CADPS2: variants seen among roughly 807,000 people sequenced by gnomAD.
CADPS2 encodes calcium dependent secretion activator 2.
CADPS2 carries 93 observed loss-of-function variants against 172.5 expected under a neutral mutation model. The ratio of observed to expected loss-of-function variants is 0.54; its 90% confidence interval spans 0.46 to 0.64. The LOEUF (loss-of-function observed/expected upper bound fraction) is 0.64, where lower values mean the gene tolerates loss of function less well. CADPS2 is among the 30% of genes least tolerant of loss of function. CADPS2 has a pLI of 0.00. For synonymous variants in CADPS2, 546 were observed against 555.2 expected (o/e 0.98, Z 0.23); for missense variants, 1,420 against 1,565.9 (o/e 0.91, Z 1.57).
At chr7:122,440,945 A>G (rs989723270) in intron 16 of CADPS2, among the ~76,000 whole-genome samples, 2 of 152,178 alleles carry the variant, frequency 1.3e-5, no homozygotes, top group Admixed American at 6.5e-5. Context: ...TCCTTAAAAA[A>G]TGATTTTTTT....
At chr7:122,501,552 T>A (rs975676347) in intron 9 of CADPS2, among the ~76,000 whole-genome samples, 6 of 151,684 alleles carry the variant, frequency 4.0e-5, no homozygotes, top group Admixed American at 2.0e-4. Flanking sequence ...GTCACCCAGA[T>A]AAAAAGGGTC....
intron 1 of CADPS2, among the ~76,000 whole-genome samples, chr7:122,837,450 G>T (rs551343230): frequency 6.4e-4 from 98 of 152,292 alleles, no homozygotes; most frequent in Non-Finnish European, 1.3e-3. Flanking sequence ...GAAGGCGACA[G>T]AGACACAAAA....
chr7:122,809,572 A>C (rs1799569523), intron 1 of CADPS2, among the ~76,000 whole-genome samples: 3 of 141,630 alleles, frequency 2.1e-5, no homozygotes, highest in Non-Finnish European at 4.6e-5. Flanking sequence ...AGAGAGAGAC[A>C]CTGTCTCAAA....
intron 20 of CADPS2, among the ~76,000 whole-genome samples, chr7:122,399,726 A>G (rs1276272550): frequency 2.7e-5 from 3 of 110,170 alleles, no homozygotes; most frequent in African/African-American, 1.1e-4. Context: ...TCGCTCTGTC[A>G]CCAAGTCTGG....
intron 28 of CADPS2, among the ~76,000 whole-genome samples, chr7:122,326,375 AT>A (rs2033874396): frequency 6.6e-6 from 1 of 152,082 alleles, no homozygotes; most frequent in Admixed American, 6.6e-5. Context: ...CTGCTCCTAT[AT>A]GTCTGTCAGT....
At chr7:122,402,482 T>C (rs2046076700) in intron 20 of CADPS2, among the ~76,000 whole-genome samples, 1 of 152,144 alleles carries the variant, frequency 6.6e-6, no homozygotes, top group South Asian at 2.1e-4. Context: ...ATCCCTTCCA[T>C]ACTCCAAAAG....
intron 23 of CADPS2, 51 bp downstream of exon 23, chr7:122,388,532 A>G (rs1186721742): frequency 7.3e-6 from 11 of 1,513,412 alleles, no homozygotes; most frequent in Middle Eastern, 1.8e-4. Context: ...ATAAAAAGTG[A>G]TATTTTTGGG....
At chr7:122,808,979 C>T (rs1379191264) in intron 1 of CADPS2, among the ~76,000 whole-genome samples, 1 of 151,970 alleles carries the variant, frequency 6.6e-6, no homozygotes, top group African/African-American at 2.4e-5. Context: ...CTATATGTTC[C>T]TTATATTCTT....
rs574662139 is a variant in CADPS2, at chr7:122,679,269, G to C, written c.454-15700C>G. On this transcript the variant is annotated intron_variant, in intron 2 of 29. Transcript: ENST00000449022. ...CCTGGGAAAAGAATGCATTCCTGGGGGGGGGGGGCTCTAAAATGGCCACCC... is the reference window on the plus strand; with the variant it reads ...CCTGGGAAAAGAATGCATTCCTGGGCGGGGGGGGCTCTAAAATGGCCACCC... 2.5e-5 allele frequency among the ~76,000 whole-genome samples: 3 copies of C among 118,464 alleles called. 1 individual carries two copies. The highest frequency in any genetic ancestry group is 8.8e-5 in the African/African-American group (3 of 33,926). The allele number at this position is 118,464 out of a possible 152,430, so 77.7% of individuals were successfully genotyped here.
intron 20 of CADPS2, among the ~76,000 whole-genome samples, chr7:122,397,714 G>A (rs1005729448): frequency 6.6e-6 from 1 of 152,054 alleles, no homozygotes; most frequent in Non-Finnish European, 1.5e-5. Context: ...TTCTCCATAT[G>A]GTTTAATAAG....
At chr7:122,543,819 T>C (rs770569363) in intron 8 of CADPS2, among the ~76,000 whole-genome samples, 1 of 152,126 alleles carries the variant, frequency 6.6e-6, no homozygotes, top group African/African-American at 2.4e-5. Flanking sequence ...TCTGAAGCAT[T>C]TGGACTAAGT....
intron 2 of CADPS2, chr7:122,702,188 C>T (rs1175442840): frequency 6.2e-7 from 1 of 1,613,590 alleles, no homozygotes; most frequent in Admixed American, 1.7e-5. Context: ...GATGTAATGG[C>T]TCACCCACTG....
chr7:122,521,321 AC>A (rs1220163525), intron 8 of CADPS2, among the ~76,000 whole-genome samples: 1 of 152,158 alleles, frequency 6.6e-6, no homozygotes, highest in Non-Finnish European at 1.5e-5. Context: ...ATCTGTGGGC[AC>A]CATTGCATTT....
chr7:122,779,729 AC>A (rs1792180416), intron 1 of CADPS2, among the ~76,000 whole-genome samples: 1 of 152,192 alleles, frequency 6.6e-6, no homozygotes, highest in African/African-American at 2.4e-5. Flanking sequence ...GCAGGAAATC[AC>A]GATTCTCACA....
At chr7:122,612,293 A>G (rs943380921) in intron 6 of CADPS2, among the ~76,000 whole-genome samples, 11 of 152,042 alleles carry the variant, frequency 7.2e-5, no homozygotes, top group African/African-American at 7.2e-5. Context: ...TGTACATAGA[A>G]AAGTCTACAA....
chr7:122,536,069 GT>G (rs1211192921), intron 8 of CADPS2, among the ~76,000 whole-genome samples: 1 of 151,960 alleles, frequency 6.6e-6, no homozygotes, highest in African/African-American at 2.4e-5. Context: ...TTGTAATTGG[GT>G]TTCTCCAAAC....
intron 2 of CADPS2, among the ~76,000 whole-genome samples, chr7:122,720,394 C>A (rs1219574250): frequency 4.6e-5 from 7 of 150,628 alleles, no homozygotes; most frequent in African/African-American, 1.7e-4. Context: ...ACTGTGAAAG[C>A]ATAAAAGATA....
At chr7:122,645,712 T>C (rs1187794959) in intron 3 of CADPS2, among the ~76,000 whole-genome samples, 4 of 136,564 alleles carry the variant, frequency 2.9e-5, no homozygotes, top group Non-Finnish European at 4.6e-5. Context: ...TTAGATCCAC[T>C]GGAAAAAAAC....
At position 122,345,698 on chromosome 7, in the gene CADPS2, G is replaced by A; in HGVS notation, c.3505-17C>T. On this transcript the variant is annotated splice_polypyrimidine_tract_variant and intron_variant, in intron 27 of 29. Transcript: ENST00000449022. Reference sequence around the variant, plus strand: ...TCCTGGTTTCTGTTGTGAAGGAAAAGCAGGGGGAACAAAATAATATCAGGT... The same window carrying A: ...TCCTGGTTTCTGTTGTGAAGGAAAAACAGGGGGAACAAAATAATATCAGGT... 6.8e-7 allele frequency: 1 copy of A among 1,469,204 alleles called. No homozygotes were observed. Among genetic ancestry groups the A allele is most frequent in the Non-Finnish European group, 9.5e-7 (1 of 1,054,524 alleles). The allele number at this position is 1,469,204 out of a possible 1,614,324, so 91.0% of individuals were successfully genotyped here. A position where few individuals can be genotyped will look rare whatever the true frequency, so the allele number is the denominator to read the frequency against.
Sources: gnomAD v4.1 joint callset for allele counts (sites outside exome capture counted in the v4.1 genomes callset) on GRCh38, gnomAD v4.1.1 for gene constraint, MANE v1.5 for transcripts, NCBI Gene and HGNC (gene_info 2026-07-23, HGNC 2026-07-21) for gene names.